Variants in CAPZA2 observed in about 807,000 individuals in gnomAD.
The protein encoded by CAPZA2 is capping actin protein of muscle Z-line subunit alpha 2.
In CAPZA2, 13 loss-of-function variants were observed where a neutral mutation model predicts 44.0. The ratio of observed to expected loss-of-function variants is 0.30; its 90% CI spans 0.19 to 0.47. The LOEUF (loss-of-function observed/expected upper bound fraction) is 0.47. CAPZA2 is among the 20% of genes least tolerant of loss of function. The pLI is 1.00. For missense variants in CAPZA2, 244 were observed against 338.6 expected (o/e 0.72, Z 2.19); for synonymous variants, 94 against 108.2 (o/e 0.87, Z 0.81).
At chr7:116,904,440 G>A (rs543166424) in intron 5 of CAPZA2, 57 bp downstream of exon 5, 38 of 1,033,770 alleles carry the variant, frequency 3.7e-5, no homozygotes, top group Middle Eastern at 4.2e-4. Context: ...AGTCTTTAGC[G>A]TCTCTTAAAA....
intron 8 of CAPZA2, among the ~76,000 whole-genome samples, chr7:116,914,925 A>G (rs1304868838): frequency 6.6e-6 from 1 of 152,170 alleles, no homozygotes; most frequent in Non-Finnish European, 1.5e-5. Flanking sequence ...ACTACATTCA[A>G]TATTATTGAC....
chr7:116,895,585 C>T (rs1796914375), intron 3 of CAPZA2, among the ~76,000 whole-genome samples: 2 of 151,594 alleles, frequency 1.3e-5, no homozygotes, highest in South Asian at 4.2e-4. Flanking sequence ...ATAGTATGAC[C>T]CTCAGAAAAA....
chr7:116,901,809 G>GT (rs944479025), intron 4 of CAPZA2, among the ~76,000 whole-genome samples: 4 of 148,446 alleles, frequency 2.7e-5, no homozygotes, highest in South Asian at 4.3e-4. Flanking sequence ...ATCCTGATCA[G>GT]TTTTTTTTTA....
At chr7:116,895,221 G>T (rs1254518151) in intron 3 of CAPZA2, among the ~76,000 whole-genome samples, 1 of 151,932 alleles carries the variant, frequency 6.6e-6, no homozygotes, top group Non-Finnish European at 1.5e-5. Context: ...AAAATGAGTG[G>T]ATTTTTTTTA....
chr7:116,877,217 G>A (rs548607811), intron 1 of CAPZA2, among the ~76,000 whole-genome samples: 1 of 152,276 alleles, frequency 6.6e-6, no homozygotes, highest in South Asian at 2.1e-4. Flanking sequence ...AGTTATCAAA[G>A]GTATTTGCTA....
At chr7:116,914,025 A>ATT (rs71148344) in intron 8 of CAPZA2, among the ~76,000 whole-genome samples, 43 of 131,936 alleles carry the variant, frequency 3.3e-4, no homozygotes, top group East Asian at 6.7e-4. Context: ...ATTAAAGAAA[A>ATT]TTTTTTTTTT....
intron 3 of CAPZA2, 85 bp from the exon 4 acceptor site, chr7:116,898,685 CTT>C (rs1307946231): frequency 2.0e-5 from 16 of 798,140 alleles, no homozygotes; most frequent in Non-Finnish European, 3.0e-5. Flanking sequence ...TAGGAGGAGA[CTT>C]TATTGATGGG....
intron 4 of CAPZA2, among the ~76,000 whole-genome samples, chr7:116,899,949 T>C (rs548215515): frequency 6.8e-4 from 103 of 151,786 alleles, no homozygotes; most frequent in Admixed American, 2.2e-3. Flanking sequence ...TTTAGAGATA[T>C]ATCCAAAGAA....
chr7:116,917,093 C>T (rs1041346804), intron 9 of CAPZA2, among the ~76,000 whole-genome samples: 9 of 152,178 alleles, frequency 5.9e-5, no homozygotes, highest in Non-Finnish European at 1.2e-4. Flanking sequence ...GTGAATTGGA[C>T]AAGTTTCTAC....
intron 4 of CAPZA2, among the ~76,000 whole-genome samples, chr7:116,901,887 G>GTGTGTC (rs1797000204): frequency 6.7e-6 from 1 of 149,964 alleles, no homozygotes; most frequent in South Asian, 2.1e-4. Flanking sequence ...AGAAATGTGT[G>GTGTGTC]TGTGTGTGTG....
intron 9 of CAPZA2, 30 bp downstream of exon 9, chr7:116,916,152 C>T: frequency 2.0e-6 from 3 of 1,486,304 alleles, no homozygotes; most frequent in Non-Finnish European, 2.7e-6. Flanking sequence ...ATATAAGCTA[C>T]ACTCACATAT....
At chr7:116,891,403 C>G (rs546192237) in intron 2 of CAPZA2, among the ~76,000 whole-genome samples, 50 of 152,304 alleles carry the variant, frequency 3.3e-4, no homozygotes, top group Non-Finnish European at 6.3e-4. Flanking sequence ...TTATAAATTT[C>G]TCTATTTTTT....
chr7:116,872,581 G>A (rs1478774161), intron 1 of CAPZA2, among the ~76,000 whole-genome samples: 1 of 152,178 alleles, frequency 6.6e-6, no homozygotes, highest in African/African-American at 2.4e-5. Context: ...ACAGACATGT[G>A]ATAGTGATCA....
At chr7:116,908,586 G>T (rs907243058) in intron 6 of CAPZA2, among the ~76,000 whole-genome samples, 2 of 152,096 alleles carry the variant, frequency 1.3e-5, no homozygotes, top group Non-Finnish European at 1.5e-5. Flanking sequence ...GCCTTTGGAA[G>T]AATCTTTTGA....
Position 116,906,277 on chromosome 7 carries a change from A to C in CAPZA2, c.441A>C (p.Lys147Asn). Residue 147 changes from lysine to asparagine, a missense_variant, in exon 6 of 10, where the codon AAA (lysine) becomes AAC (asparagine). Transcript: ENST00000361183. ...PNGVCTVYGK[K>N]IDGQQTIIAC... The stretch of plus-strand genomic sequence containing the variant: ...TTGCCAATAAGGTGTATGGCAAAAA[A>C]ATAGATGGACAGCAAACCATTATTG... 6.2e-7 allele frequency: 1 copy of C among 1,612,868 alleles called. No individual in the cohort carries two copies. Among genetic ancestry groups the C allele is most frequent in the Non-Finnish European group, 8.5e-7 (1 of 1,179,738 alleles).
At position 116,917,828 on chromosome 7, in the gene CAPZA2, C is replaced by G. The variant is rs1302817054; in HGVS notation, c.822C>G (p.Ile274Met). The G allele has an allele frequency of 5.6e-6, 9 of 1,612,656 alleles. No homozygotes were observed. In the Admixed American group the frequency reaches 1.3e-4, roughly 24 times the overall value. ...VTRTKIDWNK[I>M]LSYKIGKEMQ... ...GCACTAAGATTGATTGGAACAAGAT[C>G]CTTAGCTACAAGATTGGCAAAGAGA... Residue 274 changes from isoleucine to methionine, a missense_variant, in exon 10 of 10, where the codon ATC (isoleucine) becomes ATG (methionine). Transcript: ENST00000361183.
rs117535763 is a variant in CAPZA2, at chr7:116,876,659, G to A, written c.40-11468G>A. ...ACATATCTTAAATTCAGGCTTCACC[G>A]GTAAGGTAAGTGAGATCTTGTTTTA... On this transcript the variant is annotated intron_variant, in intron 1 of 9. Coordinates refer to ENST00000361183, the MANE Select transcript of CAPZA2 (RefSeq NM_006136.3). Among the ~76,000 whole-genome samples, 697 of 152,260 alleles carry A rather than the reference G, an allele frequency of 4.6e-3. 2 individuals carry two copies. Among genetic ancestry groups the A allele is most frequent in the Non-Finnish European group, 7.5e-3 (509 of 68,024 alleles).
intron 6 of CAPZA2, among the ~76,000 whole-genome samples, chr7:116,908,919 A>T (rs1457922290): frequency 6.6e-6 from 1 of 152,180 alleles, no homozygotes; most frequent in Non-Finnish European, 1.5e-5. Context: ...TCAAATATTC[A>T]GTGTAACTGT....
intron 3 of CAPZA2, among the ~76,000 whole-genome samples, chr7:116,896,110 C>G (rs1796922846): frequency 6.6e-6 from 1 of 152,032 alleles, no homozygotes; most frequent in Non-Finnish European, 1.5e-5. Context: ...ATACATCTTT[C>G]CCACATATAT....
Sources: gnomAD v4.1 joint callset for allele counts (sites outside exome capture counted in the v4.1 genomes callset) on GRCh38, gnomAD v4.1.1 for gene constraint, MANE v1.5 for transcripts, NCBI Gene and HGNC (gene_info 2026-07-23, HGNC 2026-07-21) for gene names.